The following ZNF608 variants were observed in gnomAD, a reference collection of about 807,000 sequenced individuals.
ZNF608 encodes renal carcinoma antigen NY-REN-36.
In ZNF608, 12 loss-of-function variants were observed where a neutral mutation model predicts 109.0. The observed-to-expected ratio is 0.11, with a 90% CI of 0.07 to 0.18. The LOEUF (loss-of-function observed/expected upper bound fraction) is 0.18, where lower values mean the gene tolerates loss of function less well. Ranked by LOEUF, ZNF608 falls within the 10% of genes least tolerant of loss-of-function variation. The pLI is 1.00. For missense variants in ZNF608, 1,707 were observed against 1,879.3 expected, an observed-to-expected ratio of 0.91 and a Z score of 1.70; for synonymous variants, 732 against 717.4, an observed-to-expected ratio of 1.02 and a Z score of -0.33.
intron 3 of ZNF608, among the ~76,000 whole-genome samples, chr5:124,690,124 G>GA (rs1302790822): frequency 6.6e-6 from 1 of 152,168 alleles, no homozygotes; most frequent in Non-Finnish European, 1.5e-5. Context: ...AAGCCAATCT[G>GA]AAAAAGGCTA....
intron 3 of ZNF608, among the ~76,000 whole-genome samples, chr5:124,660,524 TAGGA>T (rs928099768): frequency 6.6e-6 from 1 of 151,314 alleles, no homozygotes; most frequent in African/African-American, 2.4e-5. Flanking sequence ...TTCTGAGGAG[TAGGA>T]AGGAAGAAAG....
At chr5:124,748,238 AT>A (rs1464509587), upstream of ZNF608, among the ~76,000 whole-genome samples, 1 of 152,152 alleles carries the variant, frequency 6.6e-6, no homozygotes, top group African/African-American at 2.4e-5. Context: ...GAGCTAGAGA[AT>A]TGACACTGCA....
chr5:124,690,215 G>C (rs1286144868), intron 3 of ZNF608, among the ~76,000 whole-genome samples: 1 of 152,242 alleles, frequency 6.6e-6, no homozygotes, highest in Non-Finnish European at 1.5e-5. Flanking sequence ...TAGTTGCTAG[G>C]GATGGGGGAA....
intron 3 of ZNF608, among the ~76,000 whole-genome samples, chr5:124,695,357 A>C (rs552109899): frequency 6.6e-6 from 1 of 152,370 alleles, no homozygotes; most frequent in South Asian, 2.1e-4. Context: ...CAAATTAATC[A>C]GAATTTCAAA....
intron 2 of ZNF608, among the ~76,000 whole-genome samples, chr5:124,736,613 GA>G (rs1193328201): frequency 6.6e-6 from 1 of 151,816 alleles, no homozygotes; most frequent in African/African-American, 2.4e-5. Flanking sequence ...CCAGCATGGG[GA>G]AAATTTTCTA....
intron 3 of ZNF608, among the ~76,000 whole-genome samples, chr5:124,695,097 C>T (rs895654703): frequency 3.0e-4 from 45 of 152,096 alleles, no homozygotes; most frequent in African/African-American, 1.1e-3. Flanking sequence ...CTCCATTTAG[C>T]GCAGGAGTCA....
At position 124,644,256 on chromosome 5, in the gene ZNF608, G is replaced by A. The variant is rs576621479; in HGVS notation, c.4111C>T (p.His1371Tyr). ...CGACAACACGTACCAGGATAACTGTGCATTAGGACGGGAGAAACAGCCCGG... is the reference window on the plus strand; with the variant it reads ...CGACAACACGTACCAGGATAACTGTACATTAGGACGGGAGAAACAGCCCGG... ...AYRAVSPVLM[H>Y]SYPGAYLSPG... Residue 1371 changes from histidine to tyrosine, a missense_variant, in exon 6 of 10, where the codon CAC (histidine) becomes TAC (tyrosine). Transcript: ENST00000513986. 1 of 1,609,046 alleles carries A rather than the reference G, an allele frequency of 6.2e-7. No homozygotes were observed. The highest frequency in any genetic ancestry group is 2.2e-5 in the East Asian group (1 of 44,726).
intron 3 of ZNF608, chr5:124,666,160 A>G (rs1344996841): frequency 2.0e-5 from 3 of 152,252 alleles, no homozygotes; most frequent in South Asian, 2.1e-4. Flanking sequence ...TCTTAAAGCC[A>G]TAGTTTTCAA....
At chr5:124,713,261 C>G (rs1398964630) in intron 2 of ZNF608, among the ~76,000 whole-genome samples, 1 of 152,160 alleles carries the variant, frequency 6.6e-6, no homozygotes, top group African/African-American at 2.4e-5. Flanking sequence ...GAGCAATGAG[C>G]CTTTATGAGA....
intron 3 of ZNF608, chr5:124,666,409 C>CCAA (rs755031019): frequency 1.1e-4 from 17 of 152,196 alleles, no homozygotes; most frequent in Non-Finnish European, 2.1e-4. Flanking sequence ...TAGGCACTTC[C>CCAA]CTTGTACTAG....
chr5:124,748,402 G>T, upstream of ZNF608: 1 of 312,036 alleles, frequency 3.2e-6, no homozygotes, highest in Non-Finnish European at 4.7e-6. Context: ...ACCCTTCTTG[G>T]GTTGTTGTTC....
intron 5 of ZNF608, 71 bp from the exon 6 acceptor site, chr5:124,644,732 G>C: frequency 1.5e-6 from 2 of 1,358,626 alleles, no homozygotes; most frequent in Non-Finnish European, 2.0e-6. Context: ...AAGAAAACTT[G>C]TTAATAATCA....
In ZNF608 at chr5:124,647,682, G is replaced by A; in HGVS notation, c.2702C>T (p.Ala901Val). The A allele has an allele frequency of 6.2e-7, 1 of 1,614,206 alleles. No individual in the cohort carries two copies. The highest frequency in any genetic ancestry group is 8.5e-7 in the Non-Finnish European group (1 of 1,180,042). ...DNAPSPSIGSASRLECSTLVN... is the reference protein window; with the variant it reads ...DNAPSPSIGSVSRLECSTLVN... ...CAAAGTGCTGCATTCCAGCCTCGAGGCGCTCCCTATGGAAGGGCTGGGAGC... is the reference window on the plus strand; with the variant it reads ...CAAAGTGCTGCATTCCAGCCTCGAGACGCTCCCTATGGAAGGGCTGGGAGC... The change falls in exon 5 of 10, where the codon GCC becomes GTC. Residue 901 changes from alanine (A) to valine (V), a missense_variant. Coordinates refer to ENST00000513986, the MANE Select transcript of ZNF608 (RefSeq NM_020747.3).
At chr5:124,662,754 A>C (rs1488397483) in intron 3 of ZNF608, among the ~76,000 whole-genome samples, 1 of 152,092 alleles carries the variant, frequency 6.6e-6, no homozygotes, top group African/African-American at 2.4e-5. Flanking sequence ...AACCTGACCA[A>C]ATATTTCAGC....
rs10556672 is a variant in ZNF608, at chr5:124,722,576, TACACACACACACACAC to T, written c.907-21323_907-21308del. 7.4e-3 allele frequency among the ~76,000 whole-genome samples: 1,072 copies of T among 145,074 alleles called. 10 individuals carry two copies. Among genetic ancestry groups the T allele is most frequent in the African/African-American group, 0.025 (988 of 39,806 alleles). ...TTTTTCTATAAATAAACCCTTAAAATACACACACACACACACACACACACACACACACACACACACA... is the reference window on the plus strand; with the variant it reads ...TTTTTCTATAAATAAACCCTTAAAATACACACACACACACACACACACACA... On this transcript the variant is annotated intron_variant, in intron 2 of 9. Transcript: ENST00000513986.
intron 5 of ZNF608, among the ~76,000 whole-genome samples, chr5:124,645,220 T>A (rs954147030): frequency 6.6e-6 from 1 of 152,226 alleles, no homozygotes; most frequent in African/African-American, 2.4e-5. Context: ...ATTGGCTCAC[T>A]TCTCATTACG....
intron 9 of ZNF608, 49 bp downstream of exon 9, chr5:124,639,084 A>G (rs1265416369): frequency 6.4e-7 from 1 of 1,568,194 alleles, no homozygotes; most frequent in South Asian, 1.1e-5. Flanking sequence ...CCTCCCAACC[A>G]TTAAGATATT....
Position 124,709,170 on chromosome 5 carries a change from C to CAAAAAAAAAAAAAAAA in ZNF608, c.907-7917_907-7902dup, listed in dbSNP as rs1156276798. On this transcript the variant is annotated intron_variant, in intron 2 of 9. Coordinates refer to ENST00000513986, the MANE Select transcript of ZNF608 (RefSeq NM_020747.3). ...TGGGCAACAGAGAGAGACTCTGTCT[C>CAAAAAAAAAAAAAAAA]AAAAAAAAAAAAAAAAAAAAAAAAA... 1.5e-4 allele frequency among the ~76,000 whole-genome samples: 5 copies of CAAAAAAAAAAAAAAAA among 32,714 alleles called. 1 individual carries two copies. The highest frequency in any genetic ancestry group is 2.4e-3 in the East Asian group (2 of 826). 21.5% of individuals were successfully genotyped at this position (32,714 alleles called of 152,430 possible). A position where few individuals can be genotyped will look rare whatever the true frequency, so the allele number is the denominator to read the frequency against.
At chr5:124,711,843 G>A (rs1048554932) in intron 2 of ZNF608, among the ~76,000 whole-genome samples, 1 of 152,172 alleles carries the variant, frequency 6.6e-6, no homozygotes, top group South Asian at 2.1e-4. Flanking sequence ...TAAGAATCTG[G>A]GGGGTTATTA....
Sources: allele counts gnomAD v4.1 joint callset (sites outside exome capture counted in the v4.1 genomes callset), GRCh38; gene constraint gnomAD v4.1.1; transcripts MANE v1.5; gene names NCBI Gene and HGNC (gene_info 2026-07-23, HGNC 2026-07-21).